Variants in ASPM observed in about 807,000 individuals in gnomAD.
ASPM encodes assembly factor for spindle microtubules.
In ASPM, 256 loss-of-function variants were observed where a neutral mutation model predicts 366.4. That is an observed-to-expected ratio of 0.70 (90% confidence interval 0.63 to 0.77). The LOEUF is 0.77. ASPM is among the 30% of genes least tolerant of loss of function. The probability of loss-of-function intolerance (pLI) is 0.00; values close to 1 mark genes in which losing one functional copy is unlikely to be tolerated. For missense variants in ASPM, 4,146 were observed against 4,090.4 expected, an observed-to-expected ratio of 1.01 and a Z score of -0.37; for synonymous variants, 1,414 against 1,342.9, an observed-to-expected ratio of 1.05 and a Z score of -1.16.
chr1:197,092,076 G>A lies in ASPM; in HGVS notation c.9295-20C>T. On this transcript the variant is annotated intron_variant, in intron 21 of 27. Transcript: ENST00000367409. The stretch of plus-strand genomic sequence containing the variant: ...TAAAAACTAAAGGTGAAAAAACAAA[G>A]CATATTCAAGTATCTGCCTCCTAAG... 1.9e-6 allele frequency: 3 copies of A among 1,609,884 alleles called. No individual in the cohort carries two copies. The highest frequency in any genetic ancestry group is 1.1e-5 in the South Asian group (1 of 90,968).
chr1:197,128,539 A>C lies in ASPM; in HGVS notation c.2887T>G (p.Phe963Val), dbSNP rs1658160160. 1.2e-6 allele frequency: 2 copies of C among 1,613,940 alleles called. No homozygotes were observed. Among genetic ancestry groups the C allele is most frequent in the Non-Finnish European group, 1.7e-6 (2 of 1,179,854 alleles). Residue 963 changes from phenylalanine to valine, a missense_variant, in exon 10 of 28, where the codon TTT becomes GTT. By Grantham distance (50) the Phe-to-Val change is conservative (BLOSUM62 -1). This residue lies in a region of ASPM where 3,624 missense variants were observed against 3,591.7 expected (regional missense o/e 1.01). Coordinates refer to ENST00000367409, the MANE Select transcript of ASPM (RefSeq NM_018136.5). ...TCTACGGCAAGATTTGTAACGGCAA[A>C]ATCAAATTCATCAAATGGTGTCTGA... ...HVQTPFDEFDFAVTNLAVDLQ... is the reference protein window; with the variant it reads ...HVQTPFDEFDVAVTNLAVDLQ...
chr1:197,088,491 C>T, intron 25 of ASPM, 59 bp from the exon 26 acceptor site: 1 of 1,491,622 alleles, frequency 6.7e-7, no homozygotes, highest in Non-Finnish European at 9.1e-7. Context: ...TACAAACAAC[C>T]CAACCAAAAA....
At chr1:197,123,143 C>A (rs74936195) in intron 13 of ASPM, among the ~76,000 whole-genome samples, 1 of 152,082 alleles carries the variant, frequency 6.6e-6, no homozygotes, top group Non-Finnish European at 1.5e-5. Flanking sequence ...TTTCTGTATA[C>A]GGCACATCAC....
At position 197,092,042 on chromosome 1, in the gene ASPM, T is replaced by G. The variant is rs773154966; in HGVS notation, c.9309A>C (p.Arg3103Ser). Residue 3103 changes from arginine (R) to serine (S), a missense_variant, in exon 22 of 28, where the codon AGA becomes AGC. Arg to Ser is a moderately radical substitution (Grantham distance 110). Coordinates refer to ENST00000367409, the MANE Select transcript of ASPM (RefSeq NM_018136.5). ...WLVRKRFLEQ[R>S]AKIRLLHFTA... ...TGAAGTGAAGAAGTCGAATTTTGGC[T>G]CTCTGTTCTAAAAACTAAAGGTGAA... The G allele has an allele frequency of 1.9e-6, 3 of 1,611,550 alleles. No individual in the cohort carries two copies. Among genetic ancestry groups the G allele is most frequent in the Non-Finnish European group, 2.5e-6 (3 of 1,178,534 alleles).
Position 197,101,159 on chromosome 1 carries a change from A to C in ASPM, c.8092T>G (p.Phe2698Val), listed in dbSNP as rs1657158695. The change falls in exon 18 of 28, where the codon TTC (phenylalanine) becomes GTC (valine). Residue 2698 changes from phenylalanine to valine, a missense_variant. By Grantham distance (50) the Phe-to-Val change is conservative (BLOSUM62 -1). Coordinates refer to ENST00000367409, the MANE Select transcript of ASPM (RefSeq NM_018136.5). ...MHRAATLIQS[F>V]YRMHRAKVDY... ...ACTTTGGCCCTGTGCATTCGATAGA[A>C]TGACTGAATTAGTGTGGCAGCCCGG... 1.2e-6 allele frequency: 2 copies of C among 1,612,372 alleles called. No individual in the cohort carries two copies. Among genetic ancestry groups the C allele is most frequent in the African/African-American group, 1.3e-5 (1 of 74,816 alleles).
intron 26 of ASPM, among the ~76,000 whole-genome samples, chr1:197,087,918 G>A (rs1484942451): frequency 3.3e-5 from 5 of 152,130 alleles, no homozygotes; most frequent in African/African-American, 7.2e-5. Context: ...AGGTCTCATC[G>A]TAGAAAAGCT....
chr1:197,131,494 T>C (rs1658251346), intron 7 of ASPM, among the ~76,000 whole-genome samples: 1 of 151,936 alleles, frequency 6.6e-6, no homozygotes, highest in African/African-American at 2.4e-5. Flanking sequence ...TTTTTATGAG[T>C]ACTATTTAAT....
rs557008593 is a variant in ASPM at position 197,106,505 on chromosome 1, C to T, written c.4066-1320G>A. ...GATATTTCTATGTAAAATCCTCAAA[C>T]TAAGAAATTGAAGAATCAGTGTGTA... is the stretch of plus-strand genomic sequence containing the variant. On this transcript the variant is annotated intron_variant, in intron 17 of 27. Transcript: ENST00000367409. 2.6e-5 allele frequency among the ~76,000 whole-genome samples: 4 copies of T among 152,138 alleles called. No individual in the cohort carries two copies. In the South Asian group the frequency reaches 8.3e-4, roughly 31 times the overall value.
chr1:197,084,210 T>C lies in ASPM; in HGVS notation c.*114A>G. On this transcript the variant is annotated 3_prime_UTR_variant, in exon 28 of 28. Coordinates refer to ENST00000367409, the MANE Select transcript of ASPM (RefSeq NM_018136.5). ...AATGTAATGAACAGTTTATGTTTTT[T>C]TAAAACAAAGTCAGATTTTAAAAGT... 2 of 758,606 alleles carry C rather than the reference T, an allele frequency of 2.6e-6. No individual in the cohort carries two copies. The highest frequency in any genetic ancestry group is 5.3e-5 in the East Asian group (2 of 37,706). 47.0% of individuals were successfully genotyped at this position (758,606 alleles called of 1,614,324 possible).
chr1:197,146,554 G>T lies in ASPM; in HGVS notation c.-117C>A. 1 of 1,144,998 alleles carries T rather than the reference G, an allele frequency of 8.7e-7. No individual in the cohort carries two copies. Among genetic ancestry groups the T allele is most frequent in the Non-Finnish European group, 1.3e-6 (1 of 792,046 alleles). 70.9% of individuals were successfully genotyped at this position (1,144,998 alleles called of 1,614,324 possible). On this transcript the variant is annotated 5_prime_UTR_variant, in exon 1 of 28. Coordinates refer to ENST00000367409, the MANE Select transcript of ASPM (RefSeq NM_018136.5). ...CTCAGGGGCGGCTGTAGAGGTCGTGGGAGTGAATTCGGCCCTTTTTCTTTT... is the reference window on the plus strand; with the variant it reads ...CTCAGGGGCGGCTGTAGAGGTCGTGTGAGTGAATTCGGCCCTTTTTCTTTT...
In ASPM at chr1:197,124,918, G is replaced by A; in HGVS notation, c.3120C>T (p.His1040=). The change falls in exon 12 of 28, where the codon CAC becomes CAT. Residue 1040 remains histidine (H), a synonymous_variant. Coordinates refer to ENST00000367409, the MANE Select transcript of ASPM (RefSeq NM_018136.5). The part of the protein sequence containing the change: ...TILSKDIVDR[H]REKTLRLLWK... ...AAAGCAACCTGAGAGTTTTTTCTCT[G>A]TGCCTATCCACAATATCCTTAGATA... 3 of 1,612,178 alleles carry A rather than the reference G, an allele frequency of 1.9e-6. No individual in the cohort carries two copies. The highest frequency in any genetic ancestry group is 2.5e-6 in the Non-Finnish European group (3 of 1,178,470).
Position 197,101,867 on chromosome 1 carries a change from T to C in ASPM, c.7384A>G (p.Ile2462Val). The change falls in exon 18 of 28, where the codon ATT becomes GTT. Residue 2462 changes from isoleucine (I) to valine (V), a missense_variant. This residue lies in a region of ASPM where 3,624 missense variants were observed against 3,591.7 expected (regional missense o/e 1.01). Transcript: ENST00000367409. Reference protein sequence around the residue: ...YQFLHLRKAAITIQSSYRRLM... With the variant: ...YQFLHLRKAAVTIQSSYRRLM... ...CTTCTGTAAGATGACTGTATTGTAA[T>C]GGCTGCCTTTCTTAAGTGCAAGAAT... 1 of 1,612,856 alleles carries C rather than the reference T, an allele frequency of 6.2e-7. No individual in the cohort carries two copies. The highest frequency in any genetic ancestry group is 1.1e-5 in the South Asian group (1 of 91,072).
Position 197,103,377 on chromosome 1 carries a change from CCA to C in ASPM, c.5872_5873del (p.Trp1958GlufsTer14). On this transcript the variant is annotated frameshift_variant, in exon 18 of 28. Transcript: ENST00000367409. LOFTEE classifies it high-confidence loss of function. ...GCTGTCTTCTCAGTGTTTTTCCCTT[CCA>C]CATAGATTGAAGCACCAGTACCGCA... Reference protein sequence around the residue: ...RHAVLVLQSMWKGKTLRRQLQ... With the variant: ...RHAVLVLQSMXKGKTLRRQLQ... The C allele has an allele frequency of 6.2e-7, 1 of 1,613,298 alleles. No homozygotes were observed. Among genetic ancestry groups the C allele is most frequent in the Non-Finnish European group, 8.5e-7 (1 of 1,179,504 alleles).
chr1:197,100,815 A>G lies in ASPM; in HGVS notation c.8436T>C (p.His2812=), dbSNP rs757393300. The change falls in exon 18 of 28, where the codon CAT becomes CAC. Residue 2812 remains histidine (H), a synonymous_variant. Transcript: ENST00000367409. ...TTGTTACTGCAGCCCTACTTTGAGA[A>G]TGATACTCTGCTTCCTGTGAACAAG... ...GLACSQEAEY[H]SQSRAAVTIQ... The G allele has an allele frequency of 3.7e-6, 6 of 1,612,634 alleles. No homozygotes were observed. Among genetic ancestry groups the G allele is most frequent in the South Asian group, 3.3e-5 (3 of 91,066 alleles).
Position 197,102,074 on chromosome 1 carries a change from C to T in ASPM, c.7177G>A (p.Ala2393Thr). Residue 2393 changes from alanine to threonine, a missense_variant, in exon 18 of 28, where the codon GCT becomes ACT. Physicochemically the swap from Ala to Thr is moderately conservative, Grantham distance 58. Coordinates refer to ENST00000367409, the MANE Select transcript of ASPM (RefSeq NM_018136.5). ...RQRHSAVILQ[A>T]AFRGMKTRRH... ...CTAGTTTTCATACCCCTGAATGCAG[C>T]CTGAAGGATCACAGCAGAGTGTCTT... 6.2e-7 allele frequency: 1 copy of T among 1,612,962 alleles called. No individual in the cohort carries two copies. Among genetic ancestry groups the T allele is most frequent in the East Asian group, 2.2e-5 (1 of 44,820 alleles).
rs1192769181 is a variant in ASPM at position 197,102,377 on chromosome 1, T to C, written c.6874A>G (p.Ile2292Val). 1 of 1,612,732 alleles carries C rather than the reference T, an allele frequency of 6.2e-7. No individual in the cohort carries two copies. Among genetic ancestry groups the C allele is most frequent in the Non-Finnish European group, 8.5e-7 (1 of 1,179,302 alleles). ...FLSLKKTAIL[I>V]QRKYRAHLCT... ...AGATGTGCCCGATATTTTCTCTGAA[T>C]CAAAATAGCAGTTTTCTTGAGAGAG... The change falls in exon 18 of 28, where the codon ATT (isoleucine) becomes GTT (valine). Residue 2292 changes from isoleucine to valine, a missense_variant. Ile to Val is a conservative substitution (Grantham distance 29). This residue lies in a region of ASPM where 3,624 missense variants were observed against 3,591.7 expected (regional missense o/e 1.01). Coordinates refer to ENST00000367409, the MANE Select transcript of ASPM (RefSeq NM_018136.5).
At chr1:197,100,086 AAAT>A (rs1245725599) in intron 18 of ASPM, among the ~76,000 whole-genome samples, 1 of 151,752 alleles carries the variant, frequency 6.6e-6, no homozygotes. Context: ...ATATTATGCC[AAAT>A]AATACTTTAT....
In ASPM at chr1:197,104,777, C is replaced by G. The variant is rs587783244; in HGVS notation, c.4474G>C (p.Val1492Leu). The change falls in exon 18 of 28, where the codon GTT (valine) becomes CTT (leucine). Residue 1492 changes from valine to leucine, a missense_variant. Transcript: ENST00000367409. ...CACCGAAATCTTTTCTGAATGATAA[C>G]AACACAAGATCTAATATAAATATAT... ...RKYIYIRSCVVIIQKRFRCFQ... is the reference protein window; with the variant it reads ...RKYIYIRSCVLIIQKRFRCFQ... 3.1e-6 allele frequency: 5 copies of G among 1,595,402 alleles called. No homozygotes were observed. The African/African-American group carries it at 6.8e-5, about 22-fold the overall frequency.
intron 17 of ASPM, among the ~76,000 whole-genome samples, chr1:197,112,501 G>A (rs1025289507): frequency 1.4e-4 from 22 of 151,952 alleles, no homozygotes; most frequent in African/African-American, 5.1e-4. Flanking sequence ...AAATATATTG[G>A]GCCCCCCAAA....
Sources: gnomAD v4.1 joint callset for allele counts (sites outside exome capture counted in the v4.1 genomes callset) on GRCh38, gnomAD v4.1.1 for gene constraint, gnomAD v4.1.1 regional missense constraint, MANE v1.5 for transcripts, NCBI Gene and HGNC (gene_info 2026-07-23, HGNC 2026-07-21) for gene names.